Variants in ATP10B observed in about 807,000 individuals in gnomAD.
ATP10B encodes the protein ATPase phospholipid transporting 10B (putative), also known as phospholipid-transporting ATPase VB.
ATP10B carries 122 observed loss-of-function variants against 141.2 expected under a neutral mutation model. That is an observed-to-expected ratio of 0.86 (90% CI 0.75 to 1.00). The LOEUF is 1.00. Among genes scored for constraint, ATP10B ranks in the 50% least tolerant of loss-of-function variants. The pLI, the probability that ATP10B is intolerant of heterozygous loss-of-function variation, is 0.00. For missense variants in ATP10B, 1,876 were observed against 1,825.3 expected, an observed-to-expected ratio of 1.03 and a Z score of -0.51; for synonymous variants, 685 against 692.0, an observed-to-expected ratio of 0.99 and a Z score of 0.16.
Position 160,836,971 on chromosome 5 carries a change from C to T in ATP10B, c.-576+14970G>A, listed in dbSNP as rs371186209. 3.9e-5 allele frequency among the ~76,000 whole-genome samples: 6 copies of T among 152,238 alleles called. No individual in the cohort carries two copies. The South Asian group carries it at 1.2e-3, about 32-fold the overall frequency. On this transcript the variant is annotated intron_variant, in intron 1 of 25. Transcript: ENST00000327245. ...AATGTATTTTTTTTCTGATATCTCA[C>T]TTTCCCTTTTCTTAAGGGTTTTGTA...
chr5:160,733,664 G>GTT (rs1471722232), intron 2 of ATP10B, among the ~76,000 whole-genome samples: 22 of 59,128 alleles, frequency 3.7e-4, no homozygotes, highest in African/African-American at 7.3e-4. Context: ...TATATGTAAC[G>GTT]TTATATATAT....
the ATP10B span, among the ~76,000 whole-genome samples, chr5:160,927,578 T>C: frequency 6.6e-6 from 1 of 152,236 alleles, no homozygotes; most frequent in Admixed American, 6.5e-5. Flanking sequence ...TGAGGTGGAT[T>C]GAGCAGAGGT....
Position 160,634,536 on chromosome 5 carries a change from TTGCTCAAGAAGAAC to T in ATP10B, c.1185_1198del (p.Phe396Ter). On this transcript the variant is annotated frameshift_variant, in exon 12 of 26. Transcript: ENST00000327245. LOFTEE classifies it high-confidence loss of function. ...CTCTTCATCATACAGGTCAAGGTCA[TTGCTCAAGAAGAAC>T]ACTTGCCCGAGCTTCACCAGCTCAA... 6.2e-7 allele frequency: 1 copy of T among 1,614,130 alleles called. No individual in the cohort carries two copies. The highest frequency in any genetic ancestry group is 1.3e-5 in the African/African-American group (1 of 75,032).
chr5:160,590,027 T>C (rs140132174), intron 23 of ATP10B, among the ~76,000 whole-genome samples: 102 of 152,294 alleles, frequency 6.7e-4, no homozygotes, highest in African/African-American at 2.4e-3. Flanking sequence ...TTTAGTCTAT[T>C]AGGCAGTGCG....
intron 3 of ATP10B, among the ~76,000 whole-genome samples, chr5:160,690,363 A>G (rs952261279): frequency 3.3e-5 from 5 of 152,210 alleles, no homozygotes; most frequent in African/African-American, 1.2e-4. Flanking sequence ...AATGGGATCT[A>G]ATTAAACTAA....
chr5:160,862,399 C>T, the ATP10B span, among the ~76,000 whole-genome samples: 1 of 151,906 alleles, frequency 6.6e-6, no homozygotes, highest in Non-Finnish European at 1.5e-5. Flanking sequence ...GATGGTTTAC[C>T]CTGTGGATTT....
chr5:160,831,796 T>C (rs1581621422), intron 1 of ATP10B, among the ~76,000 whole-genome samples: 1 of 152,272 alleles, frequency 6.6e-6, no homozygotes, highest in African/African-American at 2.4e-5. Flanking sequence ...TTTACAGTTC[T>C]ATAGGATGTC....
chr5:160,924,224 T>C, the ATP10B span, among the ~76,000 whole-genome samples: 1 of 152,184 alleles, frequency 6.6e-6, no homozygotes. Flanking sequence ...ATTCAGGCAA[T>C]AGGAGTTTGG....
chr5:160,914,440 T>A, the ATP10B span, among the ~76,000 whole-genome samples: 1 of 152,202 alleles, frequency 6.6e-6, no homozygotes, highest in Non-Finnish European at 1.5e-5. Context: ...TAAAATGGTA[T>A]AGCATTTGAA....
the ATP10B span, among the ~76,000 whole-genome samples, chr5:160,926,596 C>A: frequency 6.6e-6 from 1 of 152,170 alleles, no homozygotes; most frequent in African/African-American, 2.4e-5. Flanking sequence ...ACGCTTAACA[C>A]CCATTACAAT....
intron 1 of ATP10B, among the ~76,000 whole-genome samples, chr5:160,796,401 G>A (rs1771951237): frequency 6.6e-6 from 1 of 152,220 alleles, no homozygotes; most frequent in South Asian, 2.1e-4. Context: ...GTAGTAGGAA[G>A]GGTAACAGTA....
chr5:160,854,626 T>C (rs1435910167), upstream of ATP10B, among the ~76,000 whole-genome samples: 1 of 152,198 alleles, frequency 6.6e-6, no homozygotes, highest in Non-Finnish European at 1.5e-5. Context: ...AGTGCTGTAA[T>C]AAACATACCT....
chr5:160,623,713 T>C (rs1758472973), intron 13 of ATP10B, among the ~76,000 whole-genome samples: 2 of 152,282 alleles, frequency 1.3e-5, no homozygotes, highest in Non-Finnish European at 1.5e-5. Flanking sequence ...GGCTCCTCTA[T>C]TTTACCCCAG....
rs371544713 is a variant in ATP10B at position 160,584,414 on chromosome 5, C to T, written c.3750+5178G>A. ...GAGCTGGGTACCTCAGTTGGAAATG[C>T]GGAAATCACCCACCTTCTGTGTTGA... is the stretch of plus-strand genomic sequence containing the variant. On this transcript the variant is annotated intron_variant, in intron 24 of 25. Coordinates refer to ENST00000327245, the MANE Select transcript of ATP10B (RefSeq NM_025153.3). 1.9e-3 allele frequency among the ~76,000 whole-genome samples: 285 copies of T among 152,240 alleles called. 1 individual carries two copies. Among genetic ancestry groups the T allele is most frequent in the African/African-American group, 6.4e-3 (266 of 41,528 alleles).
At chr5:160,733,275 T>C (rs1245415677) in intron 2 of ATP10B, among the ~76,000 whole-genome samples, 1 of 152,074 alleles carries the variant, frequency 6.6e-6, no homozygotes, top group African/African-American at 2.4e-5. Flanking sequence ...ATGTATGATG[T>C]GAAGAATAGA....
intron 1 of ATP10B, among the ~76,000 whole-genome samples, chr5:160,796,310 A>G (rs551312385): frequency 6.6e-6 from 1 of 152,314 alleles, no homozygotes; most frequent in African/African-American, 2.4e-5. Context: ...GCAAGTATTT[A>G]AAAAGGGCTC....
intron 2 of ATP10B, among the ~76,000 whole-genome samples, chr5:160,731,548 G>A (rs934033449): frequency 6.6e-6 from 1 of 152,194 alleles, no homozygotes; most frequent in African/African-American, 2.4e-5. Context: ...GAGAATGGGA[G>A]TTGTATGGAG....
Position 160,607,053 on chromosome 5 carries a change from C to T in ATP10B, c.2872G>A (p.Glu958Lys), listed in dbSNP as rs761507413. The change falls in exon 19 of 26, where the codon GAA (glutamate) becomes AAA (lysine). Residue 958 changes from glutamate (E) to lysine (K), a missense_variant. Coordinates refer to ENST00000327245, the MANE Select transcript of ATP10B (RefSeq NM_025153.3). ...TCESILNCAL[E>K]ELKQFRELQK... ...AGTTCACGAAATTGCTTTAGCTCTT[C>T]CAATGCACAATTGAGGATGGATTCA... is the stretch of plus-strand genomic sequence containing the variant. 1.2e-6 allele frequency: 2 copies of T among 1,613,876 alleles called. No individual in the cohort carries two copies. The highest frequency in any genetic ancestry group is 1.7e-6 in the Non-Finnish European group (2 of 1,179,934).
At chr5:160,839,123 G>A (rs947640837) in intron 1 of ATP10B, among the ~76,000 whole-genome samples, 3 of 152,038 alleles carry the variant, frequency 2.0e-5, no homozygotes, top group African/African-American at 7.2e-5. Flanking sequence ...TTTCTTTATA[G>A]ATTACCTAGT....
Sources: gnomAD v4.1 joint callset for allele counts (sites outside exome capture counted in the v4.1 genomes callset) on GRCh38, gnomAD v4.1.1 for gene constraint, MANE v1.5 for transcripts, NCBI Gene and HGNC (gene_info 2026-07-23, HGNC 2026-07-21) for gene names.